The following OPRM1 variants were observed in gnomAD, a reference collection of about 807,000 sequenced individuals.
The protein encoded by OPRM1 is mu-type opioid receptor.
OPRM1 carries 27 observed loss-of-function variants against 31.8 expected under a neutral mutation model. The ratio of observed to expected loss-of-function variants is 0.85; its 90% CI spans 0.63 to 1.17. The LOEUF (loss-of-function observed/expected upper bound fraction) is 1.17, where lower values mean the gene tolerates loss of function less well. OPRM1 is among the 50% of genes most tolerant of loss of function. OPRM1 has a pLI of 0.00. For missense variants in OPRM1, 536 were observed against 511.1 expected (o/e 1.05, Z -0.47); for synonymous variants, 196 against 189.9 (o/e 1.03, Z -0.26).
chr6:154,210,522 C>T (rs1031218215), intron 3 of OPRM1, among the ~76,000 whole-genome samples: 2 of 152,088 alleles, frequency 1.3e-5, no homozygotes, highest in Admixed American at 1.3e-4. Context: ...CTATTCAATA[C>T]AAAGTTGATA....
At chr6:154,246,739 C>T in exon 4 of OPRM1, 1 of 1,613,996 alleles carries the variant, frequency 6.2e-7, no homozygotes, top group Non-Finnish European at 8.5e-7. Flanking sequence ...CGATATCCTC[C>T]TCCGACTCAT....
intron 1 of OPRM1, among the ~76,000 whole-genome samples, chr6:154,055,634 G>T (rs1356020435): frequency 6.6e-6 from 1 of 152,094 alleles, no homozygotes; most frequent in African/African-American, 2.4e-5. Flanking sequence ...ACTGTTTCTT[G>T]TCATTCTTCT....
At chr6:154,138,058 G>A (rs974713324) in intron 3 of OPRM1, among the ~76,000 whole-genome samples, 1 of 152,150 alleles carries the variant, frequency 6.6e-6, no homozygotes, top group South Asian at 2.1e-4. Context: ...AGAAAGCAAA[G>A]AAAATCAAGC....
chr6:154,140,763 C>A (rs1798185102), intron 3 of OPRM1, among the ~76,000 whole-genome samples: 2 of 152,184 alleles, frequency 1.3e-5, no homozygotes, highest in Non-Finnish European at 2.9e-5. Context: ...CACTCCCTAC[C>A]CTATTGACGG....
chr6:154,048,137 G>A (rs1447190872), intron 1 of OPRM1, among the ~76,000 whole-genome samples: 1 of 152,172 alleles, frequency 6.6e-6, no homozygotes, highest in Admixed American at 6.5e-5. Context: ...TTTACAGTAG[G>A]TGTCCTAAGT....
At position 154,209,091 on chromosome 6, in the gene OPRM1, G is replaced by A. The variant is rs190681260; in HGVS notation, c.1165-37602G>A. Among the ~76,000 whole-genome samples, 433 of 152,092 alleles carry A rather than the reference G, an allele frequency of 2.8e-3. 11 individuals are homozygous for A. The highest frequency in any genetic ancestry group is 9.0e-4 in the Non-Finnish European group (61 of 67,976). On this transcript the variant is annotated intron_variant, in intron 3 of 3. Transcript: ENST00000337049. Reference sequence around the variant, plus strand: ...CCCATTAGAAGCAGAAGTCCAAACTGGTTTCATTGTTTATCTTGACTCTAT... The same window carrying A: ...CCCATTAGAAGCAGAAGTCCAAACTAGTTTCATTGTTTATCTTGACTCTAT...
At chr6:154,192,633 A>G (rs905119396) in intron 3 of OPRM1, among the ~76,000 whole-genome samples, 1 of 139,512 alleles carries the variant, frequency 7.2e-6, no homozygotes, top group Non-Finnish European at 1.6e-5. Context: ...ACCAATATCC[A>G]GAATCTACAA....
At chr6:154,103,545 G>A (rs1795168840) in intron 3 of OPRM1, among the ~76,000 whole-genome samples, 1 of 152,048 alleles carries the variant, frequency 6.6e-6, no homozygotes, top group East Asian at 1.9e-4. Context: ...AGTACAATGA[G>A]GTAGGTTTAT....
At chr6:154,034,401 A>T (rs1472574950), upstream of OPRM1, among the ~76,000 whole-genome samples, 1 of 152,170 alleles carries the variant, frequency 6.6e-6, no homozygotes, top group Non-Finnish European at 1.5e-5. Context: ...AAACAAAATT[A>T]GCTGAGTTTG....
At chr6:154,089,585 C>CAAA (rs5881062) in intron 1 of OPRM1, among the ~76,000 whole-genome samples, 92 of 129,590 alleles carry the variant, frequency 7.1e-4, no homozygotes, top group Admixed American at 1.3e-3. Flanking sequence ...AGATCCTATC[C>CAAA]AAAAAAAAAA....
chr6:154,010,878 A>G, exon 1 of OPRM1: 1 of 1,323,126 alleles, frequency 7.6e-7, no homozygotes, highest in African/African-American at 1.5e-5. Flanking sequence ...ACATGCAATA[A>G]ATGTAATTCT....
At chr6:154,147,652 A>G (rs12200355) in intron 3 of OPRM1, among the ~76,000 whole-genome samples, 15,491 of 152,194 alleles carry the variant, frequency 0.1, 1,185 homozygotes, top group East Asian at 0.41. Flanking sequence ...CTACCTCCTC[A>G]TGATTATCAA....
chr6:154,153,625 C>T lies in OPRM1; in HGVS notation c.1164+62153C>T, dbSNP rs186468940. Among the ~76,000 whole-genome samples the T allele has an allele frequency of 4.1e-3, 612 of 149,620 alleles. 3 individuals carry two copies. The highest frequency in any genetic ancestry group is 6.3e-3 in the Non-Finnish European group (429 of 67,754). ...ACTTGAACCCGGGAGGCGGAGGTTGCAGTGAGCCAAGATCACGCCACTGCA... is the reference window on the plus strand; with the variant it reads ...ACTTGAACCCGGGAGGCGGAGGTTGTAGTGAGCCAAGATCACGCCACTGCA... On this transcript the variant is annotated intron_variant, in intron 3 of 3. Transcript: ENST00000337049.
rs539900215 is a variant in OPRM1, at chr6:154,191,402, G to A, written c.1165-55291G>A. Among the ~76,000 whole-genome samples, 14 of 152,162 alleles carry A rather than the reference G, an allele frequency of 9.2e-5. No homozygotes were observed. In the South Asian group the frequency reaches 1.7e-3, roughly 18 times the overall value. On this transcript the variant is annotated intron_variant, in intron 3 of 3. Transcript: ENST00000337049. ...AAAGAGTGAACCCCATGCCAGGCGC[G>A]GTGGCTCACGTCTGTAATCCCAGCA...
chr6:154,024,716 C>T (rs1412825165), intron 1 of OPRM1, among the ~76,000 whole-genome samples: 3 of 151,328 alleles, frequency 2.0e-5, no homozygotes, highest in African/African-American at 7.3e-5. Flanking sequence ...TGGCTATATC[C>T]CACAGGTTTT....
At chr6:154,137,953 A>G (rs1002833860) in intron 3 of OPRM1, among the ~76,000 whole-genome samples, 6 of 152,354 alleles carry the variant, frequency 3.9e-5, no homozygotes, top group South Asian at 2.1e-4. Context: ...TTCAGAATTC[A>G]TTTGTTTCCA....
intron 1 of OPRM1, among the ~76,000 whole-genome samples, chr6:154,017,461 T>C (rs1778071417): frequency 6.6e-6 from 1 of 152,182 alleles, no homozygotes; most frequent in African/African-American, 2.4e-5. Context: ...CAGGGCAGAC[T>C]GTCCTGGCTA....
chr6:154,193,590 A>G (rs1213898241), intron 3 of OPRM1, among the ~76,000 whole-genome samples: 1 of 152,246 alleles, frequency 6.6e-6, no homozygotes, highest in Non-Finnish European at 1.5e-5. Context: ...AACTTCAATA[A>G]CATCAAAAAA....
chr6:154,214,381 G>C (rs1428318115), intron 3 of OPRM1: 7 of 821,148 alleles, frequency 8.5e-6, no homozygotes, highest in Non-Finnish European at 1.5e-5. Context: ...TCTACCATCA[G>C]TCTGCACATT....
Sources: allele counts gnomAD v4.1 joint callset (sites outside exome capture counted in the v4.1 genomes callset), GRCh38; gene constraint gnomAD v4.1.1; transcripts MANE v1.5; gene names NCBI Gene and HGNC (gene_info 2026-07-23, HGNC 2026-07-21).